Variants in ERBB4 observed in about 807,000 individuals in gnomAD.
The protein encoded by ERBB4 is receptor tyrosine-protein kinase erbB-4.
In ERBB4, 42 loss-of-function variants were observed where a neutral mutation model predicts 158.0. That is an observed-to-expected ratio of 0.27 (90% CI 0.21 to 0.34). The LOEUF (loss-of-function observed/expected upper bound fraction) is 0.34, where lower values mean the gene tolerates loss of function less well. Among genes scored for constraint, ERBB4 ranks in the 10% least tolerant of loss-of-function variants. The pLI is 1.00. For missense variants in ERBB4, 1,333 were observed against 1,624.1 expected, an observed-to-expected ratio of 0.82 and a Z score of 3.08; for synonymous variants, 583 against 558.7, an observed-to-expected ratio of 1.04 and a Z score of -0.61.
At chr2:211,466,480 C>T (rs2064693091) in intron 20 of ERBB4, among the ~76,000 whole-genome samples, 1 of 151,752 alleles carries the variant, frequency 6.6e-6, no homozygotes, top group African/African-American at 2.4e-5. Flanking sequence ...TTGTTGAATC[C>T]AGGACAGGAT....
intron 1 of ERBB4, among the ~76,000 whole-genome samples, chr2:212,325,559 A>G (rs1274477334): frequency 3.3e-5 from 5 of 150,872 alleles, no homozygotes; most frequent in African/African-American, 1.2e-4. Flanking sequence ...TAATTAGAAA[A>G]AAATAAAACA....
intron 1 of ERBB4, among the ~76,000 whole-genome samples, chr2:212,334,666 A>G (rs1233491095): frequency 6.6e-6 from 1 of 152,022 alleles, no homozygotes; most frequent in Non-Finnish European, 1.5e-5. Flanking sequence ...AGTCTCATTC[A>G]GTGTACTGCA....
chr2:211,998,186 TA>T (rs977799483), intron 2 of ERBB4, among the ~76,000 whole-genome samples: 8 of 151,356 alleles, frequency 5.3e-5, no homozygotes, highest in Admixed American at 1.3e-4. Context: ...AGTATAATAA[TA>T]AAAAAAATGA....
intron 7 of ERBB4, among the ~76,000 whole-genome samples, chr2:211,721,719 A>C (rs1039094050): frequency 2.0e-5 from 3 of 151,224 alleles, no homozygotes; most frequent in African/African-American, 7.3e-5. Flanking sequence ...AGGAATCAGA[A>C]ATAATTTTAG....
intron 1 of ERBB4, among the ~76,000 whole-genome samples, chr2:212,404,086 G>A (rs2091280788): frequency 6.6e-6 from 1 of 151,878 alleles, no homozygotes; most frequent in African/African-American, 2.4e-5. Context: ...TTTAGAGTCT[G>A]ATTAGTTGAG....
At chr2:212,381,850 ACC>A (rs2090514089) in intron 1 of ERBB4, among the ~76,000 whole-genome samples, 1 of 151,320 alleles carries the variant, frequency 6.6e-6, no homozygotes, top group South Asian at 2.1e-4. Flanking sequence ...CCCAGAACTA[ACC>A]TACATTAAAT....
chr2:211,391,589 G>A (rs923626338), intron 25 of ERBB4, among the ~76,000 whole-genome samples: 21 of 152,152 alleles, frequency 1.4e-4, no homozygotes, highest in African/African-American at 4.1e-4. Flanking sequence ...TGGCCATATC[G>A]CTGGGAGATT....
At chr2:212,347,664 C>A (rs1024267722) in intron 1 of ERBB4, among the ~76,000 whole-genome samples, 1 of 152,050 alleles carries the variant, frequency 6.6e-6, no homozygotes, top group Non-Finnish European at 1.5e-5. Flanking sequence ...AGTTGAGGAT[C>A]CCAAATCCAA....
intron 16 of ERBB4, among the ~76,000 whole-genome samples, chr2:211,641,481 A>G (rs1301472157): frequency 1.3e-5 from 2 of 152,162 alleles, no homozygotes; most frequent in African/African-American, 4.8e-5. Flanking sequence ...AACACATGCT[A>G]GAGCCAGATG....
At chr2:212,281,664 T>A (rs1217001303) in intron 1 of ERBB4, among the ~76,000 whole-genome samples, 5 of 151,860 alleles carry the variant, frequency 3.3e-5, no homozygotes, top group Admixed American at 3.3e-4. Flanking sequence ...AGAAAATTTC[T>A]GCATTGAAAG....
intron 19 of ERBB4, among the ~76,000 whole-genome samples, chr2:211,594,135 C>A (rs1041057099): frequency 6.6e-6 from 1 of 151,972 alleles, no homozygotes; most frequent in South Asian, 2.1e-4. Context: ...ACAACAACAA[C>A]AACAACTTAA....
At chr2:212,247,703 C>G (rs2084363163) in intron 1 of ERBB4, among the ~76,000 whole-genome samples, 1 of 152,180 alleles carries the variant, frequency 6.6e-6, no homozygotes, top group Non-Finnish European at 1.5e-5. Flanking sequence ...GTGGCTCATG[C>G]TTGTAATCTC....
intron 1 of ERBB4, among the ~76,000 whole-genome samples, chr2:212,142,604 T>A (rs2080519822): frequency 6.8e-6 from 1 of 147,548 alleles, no homozygotes; most frequent in African/African-American, 2.5e-5. Context: ...ATATATATAA[T>A]ATTAAAATAT....
Position 211,944,204 on chromosome 2 carries a change from A to ATATATATATATATAG in ERBB4, c.421+3225_421+3226insCTATATATATATATA, listed in dbSNP as rs1553517912. Among the ~76,000 whole-genome samples, 11 of 28,160 alleles carry ATATATATATATATAG rather than the reference A, an allele frequency of 3.9e-4. 1 individual carries two copies. Among genetic ancestry groups the ATATATATATATATAG allele is most frequent in the Non-Finnish European group, 1.3e-3 (11 of 8,774 alleles). 18.5% of individuals were successfully genotyped at this position (28,160 alleles called of 152,430 possible). A position where few individuals can be genotyped will look rare whatever the true frequency, so the allele number is the denominator to read the frequency against. ...ATATATATATATATATATATACTAT[A>ATATATATATATATAG]TATATATATACACACACACACAAAA... On this transcript the variant is annotated intron_variant, in intron 3 of 27. Coordinates refer to ENST00000342788, the MANE Select transcript of ERBB4 (RefSeq NM_005235.3).
chr2:212,405,215 C>T (rs762458744), intron 1 of ERBB4, among the ~76,000 whole-genome samples: 63 of 151,840 alleles, frequency 4.1e-4, no homozygotes, highest in South Asian at 8.3e-4. Context: ...GACATACATG[C>T]GGCCAACAAG....
chr2:212,064,759 A>G (rs1201050716), intron 2 of ERBB4, among the ~76,000 whole-genome samples: 1 of 152,038 alleles, frequency 6.6e-6, no homozygotes, highest in Non-Finnish European at 1.5e-5. Flanking sequence ...TTGAGTACAA[A>G]GCGATTTGGT....
chr2:212,081,114 T>C (rs1436543329), intron 2 of ERBB4, among the ~76,000 whole-genome samples: 1 of 152,098 alleles, frequency 6.6e-6, no homozygotes, highest in Non-Finnish European at 1.5e-5. Flanking sequence ...GGCTCACAGA[T>C]CAGGAGTTTC....
At chr2:211,710,171 T>C (rs1211617318) in intron 9 of ERBB4, among the ~76,000 whole-genome samples, 1 of 152,148 alleles carries the variant, frequency 6.6e-6, no homozygotes, top group Non-Finnish European at 1.5e-5. Context: ...AGTGGAATGT[T>C]GTGCCTGATA....
chr2:211,597,316 A>C (rs2068663762), intron 19 of ERBB4, among the ~76,000 whole-genome samples: 3 of 152,228 alleles, frequency 2.0e-5, no homozygotes, highest in Admixed American at 2.0e-4. Flanking sequence ...TATAGCAAAC[A>C]TCACTGAACT....
Sources: allele counts gnomAD v4.1 joint callset (sites outside exome capture counted in the v4.1 genomes callset), GRCh38; gene constraint gnomAD v4.1.1; transcripts MANE v1.5; gene names NCBI Gene and HGNC (gene_info 2026-07-23, HGNC 2026-07-21).